The following WNT3 variants were observed in gnomAD, a reference collection of about 807,000 sequenced individuals.
The protein encoded by WNT3 is proto-oncogene Wnt-3.
In WNT3, 7 loss-of-function variants were observed where a neutral mutation model predicts 34.2. That is an observed-to-expected ratio of 0.20 (90% CI 0.12 to 0.38). The LOEUF (loss-of-function observed/expected upper bound fraction) is 0.38, where lower values mean the gene tolerates loss of function less well. WNT3 is among the 10% of genes least tolerant of loss of function. The pLI is 1.00. For missense variants in WNT3, 267 were observed against 499.8 expected, an observed-to-expected ratio of 0.53 and a Z score of 4.44; for synonymous variants, 212 against 211.5, an observed-to-expected ratio of 1.00 and a Z score of -0.02.
chr17:46,816,110 C>T (rs1568100187), intron 1 of WNT3, among the ~76,000 whole-genome samples: 1 of 148,234 alleles, frequency 6.7e-6, no homozygotes, highest in African/African-American at 2.5e-5. Context: ...TGCGCGCGCA[C>T]GTACACACAC....
At chr17:46,787,957 GA>G (rs58426374) in intron 1 of WNT3, among the ~76,000 whole-genome samples, 8,676 of 98,408 alleles carry the variant, frequency 0.088, 599 homozygotes, top group African/African-American at 0.22. Flanking sequence ...CTCTGCCTCA[GA>G]AAAAAAAAAA....
At chr17:46,771,812 G>GCGC (rs1489520177) in intron 2 of WNT3, among the ~76,000 whole-genome samples, 2 of 144,232 alleles carry the variant, frequency 1.4e-5, no homozygotes, top group African/African-American at 5.0e-5. Flanking sequence ...CGTGTGAATG[G>GCGC]CGCGGCGGCC....
At chr17:46,806,678 G>A (rs1454559430) in intron 1 of WNT3, among the ~76,000 whole-genome samples, 1 of 152,268 alleles carries the variant, frequency 6.6e-6, no homozygotes, top group Non-Finnish European at 1.5e-5. Context: ...CACCCAGCCT[G>A]AGGCTAGACA....
chr17:46,779,966 C>T (rs184613287), intron 1 of WNT3, among the ~76,000 whole-genome samples: 1 of 152,270 alleles, frequency 6.6e-6, no homozygotes, highest in East Asian at 1.9e-4. Context: ...GCAATATTGG[C>T]CAGGCTGGTC....
intron 4 of WNT3, among the ~76,000 whole-genome samples, chr17:46,766,237 G>T (rs1224074672): frequency 6.6e-6 from 1 of 152,002 alleles, no homozygotes; most frequent in Non-Finnish European, 1.5e-5. Flanking sequence ...GGCGAAACCC[G>T]TCTCTACTAA....
rs570426222 is a variant in WNT3 at position 46,807,446 on chromosome 17, C to T, written c.80+11072G>A. Among the ~76,000 whole-genome samples, 6 of 152,320 alleles carry T rather than the reference C, an allele frequency of 3.9e-5. No homozygotes were observed. The South Asian group carries it at 1.2e-3, about 32-fold the overall frequency. Reference sequence around the variant, plus strand: ...GCAGTGAGCCGAGATCATGCTACTGCACTCCAGCCTGGGCAACAAGAGCAA... The same window carrying T: ...GCAGTGAGCCGAGATCATGCTACTGTACTCCAGCCTGGGCAACAAGAGCAA... On this transcript the variant is annotated intron_variant, in intron 1 of 4. Coordinates refer to ENST00000225512, the MANE Select transcript of WNT3 (RefSeq NM_030753.5).
At chr17:46,767,355 AG>A (rs1420524819) in intron 4 of WNT3, among the ~76,000 whole-genome samples, 1 of 152,134 alleles carries the variant, frequency 6.6e-6, no homozygotes, top group African/African-American at 2.4e-5. Context: ...CCCAAGCTTC[AG>A]ATCTGTCAGG....
intron 2 of WNT3, among the ~76,000 whole-genome samples, chr17:46,772,967 GC>G (rs2059386627): frequency 6.6e-6 from 1 of 151,698 alleles, no homozygotes; most frequent in Non-Finnish European, 1.5e-5. Flanking sequence ...TCCACAAAGA[GC>G]TGCCCATCTT....
At chr17:46,787,870 C>T (rs191487672) in intron 1 of WNT3, among the ~76,000 whole-genome samples, 124 of 151,628 alleles carry the variant, frequency 8.2e-4, no homozygotes, top group African/African-American at 2.7e-3. Context: ...ACAGGAGAAT[C>T]GCTTGAACCT....
chr17:46,816,736 G>A (rs2084355423), intron 1 of WNT3, among the ~76,000 whole-genome samples: 1 of 152,132 alleles, frequency 6.6e-6, no homozygotes, highest in South Asian at 2.1e-4. Context: ...CATAGGGCCG[G>A]AGAGACTGGT....
chr17:46,787,582 T>G (rs1275334663), intron 1 of WNT3, among the ~76,000 whole-genome samples: 1 of 152,154 alleles, frequency 6.6e-6, no homozygotes, highest in Non-Finnish European at 1.5e-5. Context: ...CGCAGATCGT[T>G]CTTGAAGTGC....
rs894613784 is a variant in WNT3 at position 46,762,622 on chromosome 17, G to C, written c.*2008C>G. ...ATATATAATCTTAGTTAACTCAAAG[G>C]TATATACATTGTATAATAAATAATA... On this transcript the variant is annotated 3_prime_UTR_variant, in exon 5 of 5. Transcript: ENST00000225512. 2 of 150,364 alleles carry C rather than the reference G, an allele frequency of 1.3e-5. No homozygotes were observed. Among genetic ancestry groups the C allele is most frequent in the Non-Finnish European group, 3.0e-5 (2 of 67,724 alleles). 9.3% of individuals were successfully genotyped at this position (150,364 alleles called of 1,614,324 possible).
chr17:46,818,486 C>G (rs1287460093), intron 1 of WNT3, 32 bp downstream of exon 1: 2 of 1,580,944 alleles, frequency 1.3e-6, no homozygotes, highest in South Asian at 1.2e-5. Context: ...GCGGAGAAAC[C>G]GGGCCGCGGG....
chr17:46,807,178 T>C (rs1318609025), intron 1 of WNT3, among the ~76,000 whole-genome samples: 2 of 152,152 alleles, frequency 1.3e-5, no homozygotes, highest in African/African-American at 4.8e-5. Flanking sequence ...GGGGAAAAGC[T>C]GACAGTAAAG....
Position 46,818,629 on chromosome 17 carries a change from C to G in WNT3, c.-32G>C. ...AGGCGCCGAGGAGGAAGTTTGCCCG[C>G]GACCATGAAGAGGGGGAGCGACGCC... On this transcript the variant is annotated 5_prime_UTR_variant, in exon 1 of 5. Coordinates refer to ENST00000225512, the MANE Select transcript of WNT3 (RefSeq NM_030753.5). 1 of 1,567,618 alleles carries G rather than the reference C, an allele frequency of 6.4e-7. No homozygotes were observed. The highest frequency in any genetic ancestry group is 8.7e-7 in the Non-Finnish European group (1 of 1,154,116).
intron 4 of WNT3, among the ~76,000 whole-genome samples, chr17:46,766,722 C>T (rs1389306805): frequency 6.6e-6 from 1 of 152,194 alleles, no homozygotes; most frequent in Non-Finnish European, 1.5e-5. Context: ...AGAGGCCCGT[C>T]CACTTCCCTC....
chr17:46,804,461 ACT>A (rs1489411162), intron 1 of WNT3, among the ~76,000 whole-genome samples: 1 of 151,892 alleles, frequency 6.6e-6, no homozygotes, highest in Non-Finnish European at 1.5e-5. Flanking sequence ...TGGATTCCAG[ACT>A]CCCTGCCCTA....
chr17:46,792,167 C>T (rs1329930965), intron 1 of WNT3, among the ~76,000 whole-genome samples: 1 of 152,250 alleles, frequency 6.6e-6, no homozygotes, highest in African/African-American at 2.4e-5. Flanking sequence ...TGTCAGTGCA[C>T]ATTAGCCCCA....
At chr17:46,785,013 G>A (rs141160957) in intron 1 of WNT3, among the ~76,000 whole-genome samples, 2,697 of 152,186 alleles carry the variant, frequency 0.018, 79 homozygotes, top group African/African-American at 0.061. Flanking sequence ...TCCTGACCTC[G>A]TGATCTGCCC....
Sources: gnomAD v4.1 joint callset for allele counts (sites outside exome capture counted in the v4.1 genomes callset) on GRCh38, gnomAD v4.1.1 for gene constraint, MANE v1.5 for transcripts, NCBI Gene and HGNC (gene_info 2026-07-23, HGNC 2026-07-21) for gene names.